Variants in CLIP2 observed in about 807,000 individuals in gnomAD.
CLIP2 encodes the protein CAP-Gly domain-containing linker protein 2.
Under a neutral mutation model 111.7 loss-of-function variants are expected in CLIP2, and 41 were observed. The observed-to-expected ratio is 0.37, with a 90% CI of 0.29 to 0.48. CLIP2 has a LOEUF of 0.48. CLIP2 is among the 20% of genes least tolerant of loss of function. The probability of loss-of-function intolerance (pLI) is 0.99; values close to 1 mark genes in which losing one functional copy is unlikely to be tolerated. For missense variants in CLIP2, 1,160 were observed against 1,422.1 expected (o/e 0.82, Z 2.96); for synonymous variants, 660 against 644.2 (o/e 1.02, Z -0.37).
chr7:74,300,377 CAT>C (rs1242034456), intron 1 of CLIP2, among the ~76,000 whole-genome samples: 2 of 152,016 alleles, frequency 1.3e-5, no homozygotes, highest in African/African-American at 4.8e-5. Flanking sequence ...GAAGTGCAAT[CAT>C]GTGGTATTTG....
Position 74,375,743 on chromosome 7 carries a change from G to A in CLIP2, c.1486-144G>A, listed in dbSNP as rs188562178. ...CCAGCCAGCACTCAGGAGGGAGTGA[G>A]CGCCTTTCCCTTCCCATGACCTCCA... On this transcript the variant is annotated intron_variant, in intron 9 of 16. Transcript: ENST00000223398. 7.9e-4 allele frequency: 502 copies of A among 636,648 alleles called. 2 individuals are homozygous for A. The highest frequency in any genetic ancestry group is 1.3e-3 in the South Asian group (60 of 47,332). 39.4% of individuals were successfully genotyped at this position (636,648 alleles called of 1,614,324 possible).
At chr7:74,293,652 GC>G in intron 1 of CLIP2, among the ~76,000 whole-genome samples, 1 of 152,204 alleles carries the variant, frequency 6.6e-6, no homozygotes, top group Non-Finnish European at 1.5e-5. Context: ...GCAAATCTGG[GC>G]ATTCAGGGAG....
intron 14 of CLIP2, among the ~76,000 whole-genome samples, chr7:74,399,937 G>A (rs1791572427): frequency 2.6e-5 from 4 of 151,422 alleles, no homozygotes; most frequent in Admixed American, 6.6e-5. Context: ...GGTGGATCAC[G>A]AGGTCAGGAG....
At position 74,382,258 on chromosome 7, in the gene CLIP2, AT is replaced by A. The variant is rs1246167474; in HGVS notation, c.2479+1406del. Reference sequence around the variant, plus strand: ...ACCACCACGCCTGGCTAATTTTTGTATTTTTTTTTTTAGTAGAGACGGGGTT... The same window carrying A: ...ACCACCACGCCTGGCTAATTTTTGTATTTTTTTTTTAGTAGAGACGGGGTT... On this transcript the variant is annotated intron_variant, in intron 11 of 16. Transcript: ENST00000223398. 3.0e-3 allele frequency among the ~76,000 whole-genome samples: 217 copies of A among 72,628 alleles called. 1 individual carries two copies. The highest frequency in any genetic ancestry group is 3.0e-3 in the Non-Finnish European group (104 of 34,554). The allele number at this position is 72,628 out of a possible 152,430, so 47.6% of individuals were successfully genotyped here. A position where few individuals can be genotyped will look rare whatever the true frequency, so the allele number is the denominator to read the frequency against.
chr7:74,354,026 G>T, intron 4 of CLIP2, 22 bp downstream of exon 4: 2 of 1,597,374 alleles, frequency 1.3e-6, no homozygotes, highest in South Asian at 1.1e-5. Context: ...TTCTTCTGGG[G>T]AGTATGGGAG....
At chr7:74,334,516 CT>C (rs1789393372) in intron 2 of CLIP2, among the ~76,000 whole-genome samples, 1 of 152,094 alleles carries the variant, frequency 6.6e-6, no homozygotes, top group Non-Finnish European at 1.5e-5. Flanking sequence ...GGGGACCCTT[CT>C]CTGGGCTCTA....
chr7:74,322,825 G>C (rs1789000529), intron 2 of CLIP2, among the ~76,000 whole-genome samples: 2 of 151,996 alleles, frequency 1.3e-5, no homozygotes, highest in Non-Finnish European at 2.9e-5. Context: ...TCGACTCCCT[G>C]GTTCAGGCGA....
At chr7:74,365,796 C>G (rs1474698342) in intron 8 of CLIP2, among the ~76,000 whole-genome samples, 1 of 152,108 alleles carries the variant, frequency 6.6e-6, no homozygotes, top group Non-Finnish European at 1.5e-5. Context: ...ACTCTGTTGC[C>G]CAGGCTGGAG....
rs781798450 is a variant in CLIP2 at position 74,397,248 on chromosome 7, G to A, written c.2880+15G>A. On this transcript the variant is annotated intron_variant, in intron 14 of 16. Coordinates refer to ENST00000223398, the MANE Select transcript of CLIP2 (RefSeq NM_003388.5). The stretch of plus-strand genomic sequence containing the variant: ...TGACCGGGCTGGTATGTGGGGTAGG[G>A]GTGGCCTAGGGGCAGGGGCACTAGT... The A allele has an allele frequency of 1.2e-6, 2 of 1,612,396 alleles. No individual in the cohort carries two copies. Among genetic ancestry groups the A allele is most frequent in the South Asian group, 2.2e-5 (2 of 90,914 alleles).
chr7:74,307,294 C>T (rs895403093), intron 1 of CLIP2, among the ~76,000 whole-genome samples: 6 of 152,104 alleles, frequency 3.9e-5, no homozygotes, highest in Non-Finnish European at 5.9e-5. Flanking sequence ...GGGCTGGGCT[C>T]GGCAGGATGG....
chr7:74,329,852 T>A (rs1365528949), intron 2 of CLIP2, among the ~76,000 whole-genome samples: 1 of 152,128 alleles, frequency 6.6e-6, no homozygotes, highest in South Asian at 2.1e-4. Context: ...CGATCTCAGC[T>A]CACTGCAACC....
rs782624222 is a variant in CLIP2, at chr7:74,360,157, C to T, written c.1216-18C>T. On this transcript the variant is annotated intron_variant, in intron 6 of 16. Coordinates refer to ENST00000223398, the MANE Select transcript of CLIP2 (RefSeq NM_003388.5). The stretch of plus-strand genomic sequence containing the variant: ...CCGGAGCATGCTGACCCTGTCCTGG[C>T]CTTCCTTGGGGGCCCAGTATGTTGC... 6 of 1,580,408 alleles carry T rather than the reference C, an allele frequency of 3.8e-6. No individual in the cohort carries two copies. Among genetic ancestry groups the T allele is most frequent in the Middle Eastern group, 1.7e-4 (1 of 5,944 alleles).
In CLIP2 at chr7:74,319,669, T is replaced by A. The variant is rs577349571; in HGVS notation, c.121+2002T>A. Among the ~76,000 whole-genome samples the A allele has an allele frequency of 3.0e-3, 450 of 151,594 alleles. 3 individuals are homozygous for A. The highest frequency in any genetic ancestry group is 5.2e-3 in the Non-Finnish European group (355 of 67,888). ...CCCAGCTCTACAAAAAAAATTTTTT[T>A]AATTAGCCAGGCATGGTAGTGTGTG... On this transcript the variant is annotated intron_variant, in intron 2 of 16. Coordinates refer to ENST00000223398, the MANE Select transcript of CLIP2 (RefSeq NM_003388.5).
Position 74,376,237 on chromosome 7 carries a change from C to A in CLIP2, c.1836C>A (p.Asn612Lys). ...GCGAGAACATGGGGCTAATGGACAA[C>A]TGGAAATCCAAGCTGGACTCGCTGG... is the stretch of plus-strand genomic sequence containing the variant. ...ATSENMGLMD[N>K]WKSKLDSLAS... Residue 612 changes from asparagine to lysine, a missense_variant, in exon 10 of 17, where the codon AAC (asparagine) becomes AAA (lysine). Transcript: ENST00000223398. The surrounding 1 kb of genome is among the most constrained non-coding windows in gnomAD (Gnocchi z 7.1). 1 of 1,612,536 alleles carries A rather than the reference C, an allele frequency of 6.2e-7. No homozygotes were observed. Among genetic ancestry groups the A allele is most frequent in the Non-Finnish European group, 8.5e-7 (1 of 1,179,358 alleles).
chr7:74,345,475 C>T (rs191728532), intron 3 of CLIP2, among the ~76,000 whole-genome samples: 1 of 152,042 alleles, frequency 6.6e-6, no homozygotes, highest in Non-Finnish European at 1.5e-5. Context: ...TCAAGTGATC[C>T]ACCCACCTCA....
chr7:74,365,604 A>AG (rs1554310689), intron 8 of CLIP2, among the ~76,000 whole-genome samples: 1 of 152,172 alleles, frequency 6.6e-6, no homozygotes, highest in Non-Finnish European at 1.5e-5. Context: ...TGGGAGAGGC[A>AG]GGGGGCGGGA....
intron 3 of CLIP2, among the ~76,000 whole-genome samples, chr7:74,345,297 C>T (rs782749378): frequency 6.6e-6 from 1 of 151,898 alleles, no homozygotes; most frequent in Non-Finnish European, 1.5e-5. Flanking sequence ...TATAGTGGCG[C>T]GATCTCGACT....
chr7:74,367,363 T>C (rs1420542184), intron 8 of CLIP2, among the ~76,000 whole-genome samples: 1 of 152,026 alleles, frequency 6.6e-6, no homozygotes, highest in Non-Finnish European at 1.5e-5. Context: ...GCTAATTTTT[T>C]GTATTTTTAG....
rs1013160843 is a variant in CLIP2 at position 74,372,917 on chromosome 7, C to T, written c.1381-15C>T. 5.1e-6 allele frequency: 7 copies of T among 1,375,658 alleles called. No homozygotes were observed. Among genetic ancestry groups the T allele is most frequent in the African/African-American group, 4.4e-5 (3 of 68,424 alleles). 85.2% of individuals were successfully genotyped at this position (1,375,658 alleles called of 1,614,324 possible). ...CGCCCCCACCCCCCCACCGTGTCCA[C>T]CCTGGGTGGACCAGACCCAGACGCA... On this transcript the variant is annotated splice_polypyrimidine_tract_variant and intron_variant, in intron 8 of 16. Coordinates refer to ENST00000223398, the MANE Select transcript of CLIP2 (RefSeq NM_003388.5).
Sources: allele counts gnomAD v4.1 joint callset (sites outside exome capture counted in the v4.1 genomes callset), GRCh38; gene constraint gnomAD v4.1.1; non-coding constraint Gnocchi (gnomAD v3.1); transcripts MANE v1.5; gene names NCBI Gene and HGNC (gene_info 2026-07-23, HGNC 2026-07-21).